The following TMEM30A variants were observed in gnomAD, a reference collection of about 807,000 sequenced individuals.
TMEM30A encodes the protein cell division cycle 50 P4-ATPase accessory subunit A.
A neutral mutation model predicts 38.2 loss-of-function variants in TMEM30A; 24 were observed. That is an observed-to-expected ratio of 0.63 (90% CI 0.46 to 0.88). The LOEUF (loss-of-function observed/expected upper bound fraction) is 0.88. Among genes scored for constraint, TMEM30A ranks in the 40% least tolerant of loss-of-function variants. The pLI, the probability that TMEM30A is intolerant of heterozygous loss-of-function variation, is 0.00. For missense variants in TMEM30A, 370 were observed against 458.6 expected, an observed-to-expected ratio of 0.81 and a Z score of 1.77; for synonymous variants, 145 against 161.6, an observed-to-expected ratio of 0.90 and a Z score of 0.78.
rs532708889 is a variant in TMEM30A, at chr6:75,256,952, T to C, written c.893-657A>G. On this transcript the variant is annotated intron_variant, in intron 6 of 6. Transcript: ENST00000230461. ...ACCAGTTGTAGAATTTTGCAAGAGGTAAGGCAGCAAAGAAGACAGAACCAA... is the reference window on the plus strand; with the variant it reads ...ACCAGTTGTAGAATTTTGCAAGAGGCAAGGCAGCAAAGAAGACAGAACCAA... Among the ~76,000 whole-genome samples the C allele has an allele frequency of 5.9e-5, 9 of 152,096 alleles. No individual in the cohort carries two copies. The East Asian group carries it at 1.7e-3, about 29-fold the overall frequency.
At chr6:75,264,225 G>A (rs1300473642) in intron 3 of TMEM30A, among the ~76,000 whole-genome samples, 2 of 152,074 alleles carry the variant, frequency 1.3e-5, no homozygotes, top group Non-Finnish European at 2.9e-5. Flanking sequence ...TTTACATTTC[G>A]GAGGCCCATG....
At chr6:75,260,759 A>T in intron 4 of TMEM30A, 65 bp downstream of exon 4, 1 of 1,040,140 alleles carries the variant, frequency 9.6e-7, no homozygotes, top group Non-Finnish European at 1.4e-6. Flanking sequence ...TAAACTATCA[A>T]ATCTGTAATG....
At chr6:75,275,105 T>A (rs1772239352) in intron 1 of TMEM30A, among the ~76,000 whole-genome samples, 1 of 152,104 alleles carries the variant, frequency 6.6e-6, no homozygotes, top group African/African-American at 2.4e-5. Flanking sequence ...TTCCTTTGAT[T>A]CCAGGGTACC....
rs763729259 is a variant in TMEM30A, at chr6:75,259,443, T to C, written c.589A>G (p.Ile197Val). The C allele has an allele frequency of 3.7e-6, 6 of 1,612,896 alleles. No individual in the cohort carries two copies. The African/African-American group carries it at 6.7e-5, about 18-fold the overall frequency. ...LIGNDSYPIP[I>V]ALKKKGIAWW... ...GCAATACCTTTCTTTTTCAAAGCGA[T>C]AGGTATAGGATAAGAATCATTGCCA... The change falls in exon 5 of 7, where the codon ATC (isoleucine) becomes GTC (valine). Residue 197 changes from isoleucine (I) to valine (V), a missense_variant. Ile to Val is a conservative substitution (Grantham distance 29, BLOSUM62 3). Transcript: ENST00000230461.
Position 75,258,882 on chromosome 6 carries a change from C to G in TMEM30A, c.790G>C (p.Ala264Pro). Reference sequence around the variant, plus strand: ...AACTTGCGAAAAGTAGGTAATGCTGCAGTACGCATCCAAACAATAAAATCC... The same window carrying G: ...AACTTGCGAAAAGTAGGTAATGCTGGAGTACGCATCCAAACAATAAAATCC... ...NEDFIVWMRT[A>P]ALPTFRKLYR... is the part of the protein sequence containing the mutation. The change falls in exon 6 of 7, where the codon GCA becomes CCA. Residue 264 changes from alanine (A) to proline (P), a missense_variant. Coordinates refer to ENST00000230461, the MANE Select transcript of TMEM30A (RefSeq NM_018247.4). 2 of 1,613,898 alleles carry G rather than the reference C, an allele frequency of 1.2e-6. No homozygotes were observed. The highest frequency in any genetic ancestry group is 1.7e-6 in the Non-Finnish European group (2 of 1,179,904).
In TMEM30A at chr6:75,269,719, C is replaced by T. The variant is rs149520929; in HGVS notation, c.238-1971G>A. 3.0e-3 allele frequency among the ~76,000 whole-genome samples: 461 copies of T among 151,840 alleles called. 2 individuals are homozygous for T. The highest frequency in any genetic ancestry group is 3.7e-3 in the Non-Finnish European group (251 of 67,944). On this transcript the variant is annotated intron_variant, in intron 1 of 6. Transcript: ENST00000230461. ...TTTGCTTTTTCTTTTTTTTTTGAGA[C>T]GGAGTCTCACTCTATCACCAGGCAG...
intron 4 of TMEM30A, 144 bp from the exon 5 acceptor site, chr6:75,259,634 T>C (rs1474163997): frequency 1.7e-6 from 1 of 597,496 alleles, no homozygotes; most frequent in Non-Finnish European, 2.7e-6. Context: ...TTGTTCTTTA[T>C]TCCTATGTGG....
intron 4 of TMEM30A, among the ~76,000 whole-genome samples, chr6:75,260,026 C>G (rs1771935719): frequency 6.6e-6 from 1 of 152,104 alleles, no homozygotes; most frequent in Non-Finnish European, 1.5e-5. Flanking sequence ...ATAACAGTAT[C>G]TTGGATATAC....
At chr6:75,284,370 C>A (rs745326781) in intron 1 of TMEM30A, 32 bp downstream of exon 1, 1 of 1,604,188 alleles carries the variant, frequency 6.2e-7, no homozygotes, top group Admixed American at 1.7e-5. Flanking sequence ...TCCCGAGCAA[C>A]GCCAACTCCC....
intron 6 of TMEM30A, among the ~76,000 whole-genome samples, chr6:75,257,152 AG>A (rs1771880375): frequency 6.6e-6 from 1 of 152,140 alleles, no homozygotes; most frequent in Non-Finnish European, 1.5e-5. Flanking sequence ...CCCTAAACTA[AG>A]GCAGGAATGA....
intron 1 of TMEM30A, among the ~76,000 whole-genome samples, chr6:75,274,276 TG>T (rs1210620620): frequency 6.6e-6 from 1 of 151,456 alleles, no homozygotes; most frequent in Non-Finnish European, 1.5e-5. Context: ...GGTAGGGGAG[TG>T]GTAGGAGATG....
intron 6 of TMEM30A, among the ~76,000 whole-genome samples, chr6:75,258,313 A>T (rs996317274): frequency 6.6e-6 from 1 of 152,198 alleles, no homozygotes; most frequent in African/African-American, 2.4e-5. Flanking sequence ...ATGGAACAAT[A>T]TAGCTAATAA....
At chr6:75,266,337 T>C (rs1772065970) in intron 2 of TMEM30A, among the ~76,000 whole-genome samples, 1 of 152,232 alleles carries the variant, frequency 6.6e-6, no homozygotes, top group Non-Finnish European at 1.5e-5. Context: ...AGAAAATGTT[T>C]ACATGGAAAC....
In TMEM30A at chr6:75,253,608, C is replaced by T. The variant is rs1211014170; in HGVS notation, c.*2494G>A. On this transcript the variant is annotated 3_prime_UTR_variant, in exon 7 of 7. Coordinates refer to ENST00000230461, the MANE Select transcript of TMEM30A (RefSeq NM_018247.4). ...ATTTTATCAAGACACCTGAACATAG[C>T]AAAATTAATTTTGTTCATTTTTATT... 1 of 152,526 alleles carries T rather than the reference C, an allele frequency of 6.6e-6. No homozygotes were observed. The highest frequency in any genetic ancestry group is 1.9e-4 in the East Asian group (1 of 5,198). The allele number at this position is 152,526 out of a possible 1,614,324, so 9.4% of individuals were successfully genotyped here. A position where few individuals can be genotyped will look rare whatever the true frequency, so the allele number is the denominator to read the frequency against.
At position 75,284,674 on chromosome 6, in the gene TMEM30A, G is replaced by C. The variant is rs199523839; in HGVS notation, c.-36C>G. The C allele has an allele frequency of 9.4e-6, 15 of 1,603,300 alleles. No individual in the cohort carries two copies. Among genetic ancestry groups the C allele is most frequent in the African/African-American group, 1.3e-5 (1 of 74,820 alleles). ...GGCGCCGCTCCGCGATTTGCAGGTG[G>C]ACCACCCAGGGGGCCCGCCGGCTGA... On this transcript the variant is annotated 5_prime_UTR_variant, in exon 1 of 7. Transcript: ENST00000230461.
At chr6:75,281,414 C>A (rs1280567457) in intron 1 of TMEM30A, among the ~76,000 whole-genome samples, 2 of 151,954 alleles carry the variant, frequency 1.3e-5, no homozygotes, top group African/African-American at 4.8e-5. Context: ...AATATTTTCT[C>A]GTGAATGATA....
chr6:75,272,714 A>C (rs1301619450), intron 1 of TMEM30A: 1 of 152,194 alleles, frequency 6.6e-6, no homozygotes, highest in Non-Finnish European at 1.5e-5. Flanking sequence ...TCTTCATGGC[A>C]CTGATTATCT....
At chr6:75,266,073 A>G (rs1772063339) in intron 2 of TMEM30A, among the ~76,000 whole-genome samples, 1 of 152,240 alleles carries the variant, frequency 6.6e-6, no homozygotes, top group East Asian at 1.9e-4. Flanking sequence ...AGGGTAACCT[A>G]TAAACATTAC....
intron 5 of TMEM30A, 23 bp downstream of exon 5, chr6:75,259,323 TA>T: frequency 6.3e-7 from 1 of 1,582,274 alleles, no homozygotes; most frequent in African/African-American, 1.4e-5. Context: ...TTTAATTTTT[TA>T]AGGGATATTA....
Sources: gnomAD v4.1 joint callset for allele counts (sites outside exome capture counted in the v4.1 genomes callset) on GRCh38, gnomAD v4.1.1 for gene constraint, MANE v1.5 for transcripts, NCBI Gene and HGNC (gene_info 2026-07-23, HGNC 2026-07-21) for gene names.